The following KIF26A variants were observed in gnomAD, a reference collection of about 807,000 sequenced individuals.
The protein encoded by KIF26A is kinesin-like protein KIF26A.
In KIF26A, 74 loss-of-function variants were observed where a neutral mutation model predicts 126.0. The observed-to-expected ratio is 0.59, with a 90% confidence interval of 0.49 to 0.71. The LOEUF (loss-of-function observed/expected upper bound fraction) is 0.71, where lower values mean the gene tolerates loss of function less well. Among genes scored for constraint, KIF26A ranks in the 30% least tolerant of loss-of-function variants. The probability of loss-of-function intolerance (pLI) is 0.00; values close to 1 mark genes in which losing one functional copy is unlikely to be tolerated. For synonymous variants in KIF26A, 1,445 were observed against 1,232.7 expected (o/e 1.17, Z -3.61); for missense variants, 2,984 against 2,763.3 (o/e 1.08, Z -1.79).
At position 104,173,243 on chromosome 14, in the gene KIF26A, C is replaced by T. The variant is rs192047921; in HGVS notation, c.1683+4C>T. 45 of 1,605,034 alleles carry T rather than the reference C, an allele frequency of 2.8e-5. No homozygotes were observed. The highest frequency in any genetic ancestry group is 2.0e-4 in the South Asian group (18 of 90,696). ...GGACCCCGTGTGTGGGGCGCAGGTG[C>T]GCCTGCCTACTGTCCCACCTTGGGG... On this transcript the variant is annotated splice_donor_region_variant and intron_variant, in intron 8 of 14. Coordinates refer to ENST00000423312, the MANE Select transcript of KIF26A (RefSeq NM_015656.2).
At chr14:104,172,482 C>CTGCCT in intron 6 of KIF26A, 93 bp from the exon 7 acceptor site, 1 of 826,932 alleles carries the variant, frequency 1.2e-6, no homozygotes, top group East Asian at 2.6e-5. Context: ...TGTGGGTCGA[C>CTGCCT]TGCCTGCATG....
intron 3 of KIF26A, among the ~76,000 whole-genome samples, chr14:104,156,112 A>G (rs2037774738): frequency 6.6e-6 from 1 of 152,150 alleles, no homozygotes; most frequent in South Asian, 2.1e-4. Flanking sequence ...CTGGGTGCTG[A>G]CTGCCATGCC....
chr14:104,152,314 C>T lies in KIF26A; in HGVS notation c.588C>T (p.Ala196=). 2 of 1,581,844 alleles carry T rather than the reference C, an allele frequency of 1.3e-6. No homozygotes were observed. The highest frequency in any genetic ancestry group is 1.3e-5 in the African/African-American group (1 of 74,214). The part of the protein sequence containing the change: ...RAGPDRTKGL[A]WSPGPSVQVS... Reference sequence around the variant, plus strand: ...GGCCAGACAGGACCAAGGGGCTGGCCTGGTCCCCCGGGCCCAGTGTCCAGG... The same window carrying T: ...GGCCAGACAGGACCAAGGGGCTGGCTTGGTCCCCCGGGCCCAGTGTCCAGG... The change falls in exon 3 of 15, where the codon GCC becomes GCT. Residue 196 remains alanine, a synonymous_variant. Transcript: ENST00000423312. The surrounding 1 kb of genome is among the most constrained non-coding windows in gnomAD (Gnocchi z 5.9).
chr14:104,171,146 CCTGCTTTCTGCTGACT>C (rs1213467822), intron 5 of KIF26A, among the ~76,000 whole-genome samples: 1 of 152,254 alleles, frequency 6.6e-6, no homozygotes, highest in East Asian at 1.9e-4. Flanking sequence ...TGGGCTTCCC[CCTGCTTTCTGCTGACT>C]CTAGTCCGGC....
At chr14:104,165,101 G>C (rs369680417) in intron 4 of KIF26A, among the ~76,000 whole-genome samples, 8,912 of 148,170 alleles carry the variant, frequency 0.06, 270 homozygotes, top group African/African-American at 0.078. Context: ...ATGTGTGTGT[G>C]TCTCTGTGTG....
chr14:104,160,474 G>C (rs12882239), intron 4 of KIF26A, among the ~76,000 whole-genome samples: 34,490 of 152,206 alleles, frequency 0.23, 4,317 homozygotes, highest in African/African-American at 0.31. Context: ...CAGGGGCATA[G>C]ATAGAGCAGG....
intron 8 of KIF26A, 44 bp from the exon 9 acceptor site, chr14:104,173,286 G>C: frequency 1.2e-6 from 2 of 1,601,428 alleles, no homozygotes; most frequent in Non-Finnish European, 8.5e-7. Context: ...GCTGCACTTG[G>C]CCCTGAGCCA....
intron 5 of KIF26A, among the ~76,000 whole-genome samples, chr14:104,171,046 C>A (rs2037951774): frequency 6.6e-6 from 1 of 152,264 alleles, no homozygotes; most frequent in African/African-American, 2.4e-5. Flanking sequence ...CCCAAGCCTG[C>A]AGTGGGGCCG....
intron 5 of KIF26A, 87 bp downstream of exon 5, chr14:104,167,135 T>A: frequency 7.6e-7 from 1 of 1,310,996 alleles, no homozygotes; most frequent in Non-Finnish European, 1.0e-6. Context: ...GTGGAGGGGC[T>A]GCCACTTCCT....
Position 104,174,998 on chromosome 14 carries a change from C to T in KIF26A, c.2210C>T (p.Ser737Phe), listed in dbSNP as rs1210015686. 2.6e-6 allele frequency: 4 copies of T among 1,547,194 alleles called. No individual in the cohort carries two copies. The highest frequency in any genetic ancestry group is 3.5e-6 in the Non-Finnish European group (4 of 1,149,948). The change falls in exon 12 of 15, where the codon TCT (serine) becomes TTT (phenylalanine). Residue 737 changes from serine (S) to phenylalanine (F), a missense_variant. Ser to Phe is a radical substitution (Grantham distance 155). Coordinates refer to ENST00000423312, the MANE Select transcript of KIF26A (RefSeq NM_015656.2). The stretch of plus-strand genomic sequence containing the variant: ...TTCCCCCAGTACGCCTCCAGCTCCT[C>T]TGGCGGGGAGAGCTCCTGTGAGGAA... Reference protein sequence around the residue: ...RKKAKYASSSSGGESSCEEGR... With the variant: ...RKKAKYASSSFGGESSCEEGR...
intron 3 of KIF26A, among the ~76,000 whole-genome samples, chr14:104,157,525 G>A (rs896030615): frequency 1.2e-4 from 19 of 152,248 alleles, no homozygotes; most frequent in South Asian, 6.2e-4. Flanking sequence ...CACACACCCC[G>A]AGCTGGGAAC....
At chr14:104,161,644 G>A (rs372122564) in intron 4 of KIF26A, among the ~76,000 whole-genome samples, 2 of 152,310 alleles carry the variant, frequency 1.3e-5, no homozygotes, top group Middle Eastern at 3.4e-3. Context: ...CCTCGCTCAC[G>A]CGTGTTCTGA....
Position 104,177,733 on chromosome 14 carries a change from G to A in KIF26A, c.4945G>A (p.Ala1649Thr), listed in dbSNP as rs749777877. Residue 1649 changes from alanine (A) to threonine (T), a missense_variant, in exon 12 of 15, where the codon GCC becomes ACC. Transcript: ENST00000423312. Reference protein sequence around the residue: ...GELPPAMGRTALFHHSGGSSG... With the variant: ...GELPPAMGRTTLFHHSGGSSG... ...GCTGCCGCCCGCCATGGGCCGCACC[G>A]CCCTTTTCCACCACAGCGGTGGCAG... The A allele has an allele frequency of 1.2e-5, 18 of 1,541,458 alleles. No individual in the cohort carries two copies. Among genetic ancestry groups the A allele is most frequent in the Admixed American group, 5.8e-5 (3 of 51,788 alleles).
chr14:104,165,035 G>A (rs2037871588), intron 4 of KIF26A, among the ~76,000 whole-genome samples: 1 of 151,648 alleles, frequency 6.6e-6, no homozygotes, highest in South Asian at 2.1e-4. Context: ...GTGTGTGTCT[G>A]TATGTGTATG....
chr14:104,159,471 G>A (rs2037813419), intron 4 of KIF26A, among the ~76,000 whole-genome samples: 1 of 152,224 alleles, frequency 6.6e-6, no homozygotes, highest in Non-Finnish European at 1.5e-5. Context: ...CTGACACTGG[G>A]AAGTAAGGGT....
In KIF26A at chr14:104,176,162, G is replaced by T. The variant is rs114955777; in HGVS notation, c.3374G>T (p.Arg1125Leu). 2.1e-3 allele frequency: 3,348 copies of T among 1,590,058 alleles called. 68 individuals are homozygous for T. In the African/African-American group the frequency reaches 0.037, roughly 18 times the overall value. ...SEVSVCTADSRDPTPQPRFSP... is the reference protein window; with the variant it reads ...SEVSVCTADSLDPTPQPRFSP... ...GTCAGCGTCTGCACTGCCGACAGCC[G>T]TGACCCCACGCCGCAGCCCCGCTTC... The change falls in exon 12 of 15, where the codon CGT becomes CTT. Residue 1125 changes from arginine to leucine, a missense_variant. Coordinates refer to ENST00000423312, the MANE Select transcript of KIF26A (RefSeq NM_015656.2).
At position 104,159,583 on chromosome 14, in the gene KIF26A, C is replaced by G. The variant is rs897477924; in HGVS notation, c.923+1641C>G. The stretch of plus-strand genomic sequence containing the variant: ...GCCGAGGCCGGTGCCGCTTGCCAGC[C>G]GCGCTGCCTGCTGACCTTGGGAAGT... On this transcript the variant is annotated intron_variant, in intron 4 of 14. Coordinates refer to ENST00000423312, the MANE Select transcript of KIF26A (RefSeq NM_015656.2). Among the ~76,000 whole-genome samples, 8 of 152,240 alleles carry G rather than the reference C, an allele frequency of 5.3e-5. No individual in the cohort carries two copies. In the South Asian group the frequency reaches 1.0e-3, roughly 20 times the overall value.
intron 3 of KIF26A, among the ~76,000 whole-genome samples, chr14:104,156,177 A>G (rs1167114631): frequency 3.3e-5 from 5 of 152,228 alleles, no homozygotes; most frequent in African/African-American, 1.2e-4. Context: ...CCTGCTGTTA[A>G]TGTTGTAACT....
intron 2 of KIF26A, among the ~76,000 whole-genome samples, 174 bp downstream of exon 2, chr14:104,139,462 T>C (rs1162610648): frequency 6.6e-6 from 1 of 152,334 alleles, no homozygotes; most frequent in East Asian, 1.9e-4. Context: ...TGTAACACCA[T>C]GTGTGAGCTA....
Sources: allele counts gnomAD v4.1 joint callset (sites outside exome capture counted in the v4.1 genomes callset), GRCh38; gene constraint gnomAD v4.1.1; non-coding constraint Gnocchi (gnomAD v3.1); transcripts MANE v1.5; gene names NCBI Gene and HGNC (gene_info 2026-07-23, HGNC 2026-07-21).